Variants in WDR37 observed in about 807,000 individuals in gnomAD.
The protein encoded by WDR37 is WD repeat-containing protein 37.
WDR37 carries 19 observed loss-of-function variants against 62.9 expected under a neutral mutation model. The observed-to-expected ratio is 0.30, with a 90% CI of 0.21 to 0.44. The LOEUF (loss-of-function observed/expected upper bound fraction) is 0.44, where lower values mean the gene tolerates loss of function less well. Among genes scored for constraint, WDR37 ranks in the 20% least tolerant of loss-of-function variants. The pLI is 1.00. For synonymous variants in WDR37, 250 were observed against 260.9 expected (o/e 0.96, Z 0.40); for missense variants, 474 against 657.6 (o/e 0.72, Z 3.05).
chr10:1,107,397 A>G (rs1342442357), intron 11 of WDR37, among the ~76,000 whole-genome samples: 1 of 152,230 alleles, frequency 6.6e-6, no homozygotes, highest in African/African-American at 2.4e-5. Flanking sequence ...GAGGAGCAAG[A>G]TGGTCTCACT....
intron 1 of WDR37, among the ~76,000 whole-genome samples, chr10:1,071,798 T>C (rs1833738100): frequency 6.6e-6 from 1 of 152,194 alleles, no homozygotes; most frequent in South Asian, 2.1e-4. Context: ...CAATTAACAT[T>C]GGTTCCCTCG....
intron 5 of WDR37, 97 bp from the exon 6 acceptor site, chr10:1,084,306 G>A: frequency 2.1e-6 from 3 of 1,453,556 alleles, no homozygotes; most frequent in Non-Finnish European, 2.8e-6. Flanking sequence ...TCAGTGATTT[G>A]TGCATTTTCC....
intron 7 of WDR37, among the ~76,000 whole-genome samples, chr10:1,089,730 T>A (rs1312595762): frequency 6.7e-6 from 1 of 150,356 alleles, no homozygotes; most frequent in African/African-American, 2.4e-5. Context: ...AACCTTCCTG[T>A]GTTCACTCAC....
intron 2 of WDR37, 35 bp from the exon 3 acceptor site, chr10:1,077,872 C>A: frequency 6.7e-7 from 1 of 1,487,292 alleles, no homozygotes; most frequent in Non-Finnish European, 9.3e-7. Flanking sequence ...GTTTTTCATT[C>A]ATTCATTCAT....
At position 1,105,391 on chromosome 10, in the gene WDR37, T is replaced by A; in HGVS notation, c.1103+124T>A. 1 of 1,234,268 alleles carries A rather than the reference T, an allele frequency of 8.1e-7. No homozygotes were observed. Among genetic ancestry groups the A allele is most frequent in the Non-Finnish European group, 1.1e-6 (1 of 899,378 alleles). 76.5% of individuals were successfully genotyped at this position (1,234,268 alleles called of 1,614,324 possible). ...CTCTACTATCTTTCAAAAAAATAAC[T>A]ACCTTTCAAATTCTGCTATTCTTTT... On this transcript the variant is annotated intron_variant, in intron 11 of 13. Transcript: ENST00000263150. This position sits in a 1 kb window ranked among gnomAD's most constrained non-coding sequence, Gnocchi z 5.3.
At chr10:1,093,615 G>T in intron 8 of WDR37, 119 bp downstream of exon 8, 1 of 835,944 alleles carries the variant, frequency 1.2e-6, no homozygotes. Context: ...ATCTTTAGTA[G>T]ACATTTTATG....
chr10:1,072,926 G>A (rs1476731069), intron 2 of WDR37, among the ~76,000 whole-genome samples: 1 of 152,192 alleles, frequency 6.6e-6, no homozygotes, highest in Non-Finnish European at 1.5e-5. Flanking sequence ...AAGAAAAGAA[G>A]AGTATCATAT....
intron 11 of WDR37, among the ~76,000 whole-genome samples, chr10:1,114,805 C>T (rs1483922111): frequency 6.6e-6 from 1 of 152,240 alleles, no homozygotes; most frequent in East Asian, 1.9e-4. Flanking sequence ...GTCTGGCCCT[C>T]TCCTGGCTGC....
At chr10:1,126,353 C>T (rs551498287) in intron 13 of WDR37, among the ~76,000 whole-genome samples, 8 of 150,306 alleles carry the variant, frequency 5.3e-5, no homozygotes, top group Non-Finnish European at 7.4e-5. Context: ...TTGCAGTGAG[C>T]TGAGATCGCG....
chr10:1,086,234 A>G, intron 6 of WDR37, 52 bp from the exon 7 acceptor site: 1 of 1,486,800 alleles, frequency 6.7e-7, no homozygotes, highest in East Asian at 2.3e-5. Context: ...TCATTTGAAA[A>G]ACTATAAACT....
rs749850581 is a variant in WDR37 at position 1,103,707 on chromosome 10, A to C, written c.832A>C (p.Lys278Gln). ...CATCCGCGTCCCACTGACATCCCTC[A>C]AGAGCCACCAGGGCGTGGTCATCGC... is the stretch of plus-strand genomic sequence containing the variant. Reference protein sequence around the residue: ...PTIRVPLTSLKSHQGVVIASD... With the variant: ...PTIRVPLTSLQSHQGVVIASD... The change falls in exon 10 of 14, where the codon AAG becomes CAG. Residue 278 changes from lysine to glutamine, a missense_variant. Lys to Gln is a moderately conservative substitution (Grantham distance 53). Transcript: ENST00000263150. This position sits in a 1 kb window ranked among gnomAD's most constrained non-coding sequence, Gnocchi z 6.3. 1.9e-6 allele frequency: 3 copies of C among 1,614,114 alleles called. No homozygotes were observed. Among genetic ancestry groups the C allele is most frequent in the African/African-American group, 2.7e-5 (2 of 74,936 alleles).
Position 1,114,937 on chromosome 10 carries a change from T to C in WDR37, c.1104-9281T>C, listed in dbSNP as rs117921987. Reference sequence around the variant, plus strand: ...GCAAGAGGCTTTTGCTGTCATGACATTTGCCTGTTTAGATCTCAGCCTCAG... The same window carrying C: ...GCAAGAGGCTTTTGCTGTCATGACACTTGCCTGTTTAGATCTCAGCCTCAG... On this transcript the variant is annotated intron_variant, in intron 11 of 13. Transcript: ENST00000263150. 9.9e-4 allele frequency among the ~76,000 whole-genome samples: 150 copies of C among 152,260 alleles called. 2 individuals carry two copies. In the East Asian group the frequency reaches 0.015, roughly 15 times the overall value.
At chr10:1,123,084 T>TC (rs982870065) in intron 11 of WDR37, among the ~76,000 whole-genome samples, 1 of 152,242 alleles carries the variant, frequency 6.6e-6, no homozygotes, top group African/African-American at 2.4e-5. Context: ...TCTCCCATCT[T>TC]AGCCATTTCA....
At chr10:1,069,389 A>ATATATATATATATATATTTTT in intron 1 of WDR37, among the ~76,000 whole-genome samples, 2 of 95,804 alleles carry the variant, frequency 2.1e-5, no homozygotes, top group African/African-American at 4.7e-5. Flanking sequence ...ATATATATAT[A>ATATATATATATATATATTTTT]TTTTTTTTTT....
At chr10:1,083,962 T>G (rs1202544618) in intron 5 of WDR37, among the ~76,000 whole-genome samples, 1 of 152,236 alleles carries the variant, frequency 6.6e-6, no homozygotes, top group African/African-American at 2.4e-5. Flanking sequence ...AATGTGAACA[T>G]GTACAGCGAT....
Position 1,099,751 on chromosome 10 carries a change from T to C in WDR37, c.726+3505T>C, listed in dbSNP as rs531591424. On this transcript the variant is annotated intron_variant, in intron 9 of 13. Coordinates refer to ENST00000263150, the MANE Select transcript of WDR37 (RefSeq NM_014023.4). ...TGCTTAGGAAATTCAGCGTGTGCAC[T>C]GATGGTGTGGCGGAGACGTGAGGAG... 4.0e-5 allele frequency among the ~76,000 whole-genome samples: 6 copies of C among 151,684 alleles called. No individual in the cohort carries two copies. The East Asian group carries it at 1.2e-3, about 29-fold the overall frequency.
chr10:1,116,747 C>A (rs1835413477), intron 11 of WDR37, among the ~76,000 whole-genome samples: 1 of 152,204 alleles, frequency 6.6e-6, no homozygotes, highest in Admixed American at 6.5e-5. Context: ...GGGAACAGAA[C>A]CTCACTGCAG....
intron 11 of WDR37, among the ~76,000 whole-genome samples, chr10:1,120,461 G>A (rs1021712022): frequency 6.6e-6 from 1 of 152,244 alleles, no homozygotes; most frequent in African/African-American, 2.4e-5. Flanking sequence ...GACTGTTGGC[G>A]ACGCAGGTGT....
chr10:1,088,107 C>T (rs544057466), intron 7 of WDR37, among the ~76,000 whole-genome samples: 1 of 152,294 alleles, frequency 6.6e-6, no homozygotes, highest in Non-Finnish European at 1.5e-5. Flanking sequence ...TCTCACAGCC[C>T]TCAGGGAATT....
Sources: allele counts gnomAD v4.1 joint callset (sites outside exome capture counted in the v4.1 genomes callset), GRCh38; gene constraint gnomAD v4.1.1; non-coding constraint Gnocchi (gnomAD v3.1); transcripts MANE v1.5; gene names NCBI Gene and HGNC (gene_info 2026-07-23, HGNC 2026-07-21).